The following PLCB1 variants were observed in gnomAD, a reference collection of about 807,000 sequenced individuals.
The protein encoded by PLCB1 is phospholipase C beta 1, also known as 1-phosphatidylinositol 4,5-bisphosphate phosphodiesterase beta-1.
Under a neutral mutation model 161.8 loss-of-function variants are expected in PLCB1, and 46 were observed. The observed-to-expected ratio is 0.28, with a 90% CI of 0.22 to 0.36. The LOEUF (loss-of-function observed/expected upper bound fraction) is 0.36. PLCB1 is among the 10% of genes least tolerant of loss of function. PLCB1 has a pLI of 1.00. For synonymous variants in PLCB1, 517 were observed against 503.7 expected (o/e 1.03, Z -0.35); for missense variants, 1,016 against 1,472.5 (o/e 0.69, Z 5.07).
chr20:8,373,378 T>C (rs1157423468), intron 3 of PLCB1, among the ~76,000 whole-genome samples: 1 of 152,122 alleles, frequency 6.6e-6, no homozygotes, highest in African/African-American at 2.4e-5. Context: ...GGCTAAATGG[T>C]GAAGATAATG....
chr20:8,199,628 T>A (rs1019438391), intron 2 of PLCB1, among the ~76,000 whole-genome samples: 1 of 152,280 alleles, frequency 6.6e-6, no homozygotes, highest in Admixed American at 6.5e-5. Flanking sequence ...GTGAGATTCT[T>A]AATGATTTTA....
chr20:8,723,100 T>C (rs1979737889), intron 15 of PLCB1, among the ~76,000 whole-genome samples: 1 of 152,216 alleles, frequency 6.6e-6, no homozygotes, highest in Non-Finnish European at 1.5e-5. Context: ...CGCTTGTAGC[T>C]CTACAATTTA....
intron 23 of PLCB1, among the ~76,000 whole-genome samples, chr20:8,747,978 C>A (rs2123538797): frequency 6.6e-6 from 1 of 152,246 alleles, no homozygotes; most frequent in Admixed American, 6.5e-5. Flanking sequence ...CTTGATATTT[C>A]ATTCACAATA....
At chr20:8,687,311 C>T (rs1475904330) in intron 10 of PLCB1, among the ~76,000 whole-genome samples, 1 of 152,166 alleles carries the variant, frequency 6.6e-6, no homozygotes, top group African/African-American at 2.4e-5. Flanking sequence ...CGACATGAGC[C>T]ACTGTGCCTG....
chr20:8,166,115 T>A (rs904954412), intron 2 of PLCB1, among the ~76,000 whole-genome samples: 1 of 152,176 alleles, frequency 6.6e-6, no homozygotes, highest in East Asian at 1.9e-4. Context: ...TATCCCCTCT[T>A]GACCCTCACT....
At chr20:8,465,300 A>C (rs1166835669) in intron 3 of PLCB1, among the ~76,000 whole-genome samples, 1 of 152,180 alleles carries the variant, frequency 6.6e-6, no homozygotes, top group Non-Finnish European at 1.5e-5. Context: ...CCAACTCCCT[A>C]CAAAAGTAGT....
chr20:8,209,840 T>G (rs1310489611), intron 2 of PLCB1, among the ~76,000 whole-genome samples: 2 of 152,142 alleles, frequency 1.3e-5, no homozygotes, highest in Non-Finnish European at 2.9e-5. Flanking sequence ...TAAGTGCTTT[T>G]ATACACTTTA....
At chr20:8,299,133 T>C (rs1983774774) in intron 2 of PLCB1, among the ~76,000 whole-genome samples, 1 of 152,160 alleles carries the variant, frequency 6.6e-6, no homozygotes, top group East Asian at 1.9e-4. Flanking sequence ...GCACCTGTAC[T>C]TCCCATGCTG....
At chr20:8,166,812 A>G (rs960249734) in intron 2 of PLCB1, among the ~76,000 whole-genome samples, 1 of 151,988 alleles carries the variant, frequency 6.6e-6, no homozygotes, top group Non-Finnish European at 1.5e-5. Flanking sequence ...TAGACACGGC[A>G]TATTTCTTTC....
chr20:8,271,724 T>C (rs983131215), intron 2 of PLCB1, among the ~76,000 whole-genome samples: 4 of 152,130 alleles, frequency 2.6e-5, no homozygotes, highest in African/African-American at 9.6e-5. Context: ...AAATTAAAGC[T>C]TGAATCTCTT....
At position 8,132,695 on chromosome 20, in the gene PLCB1, C is replaced by G; in HGVS notation, c.44C>G (p.Pro15Arg). The change falls in exon 1 of 32, where the codon CCC becomes CGC. Residue 15 changes from proline to arginine, a missense_variant. Pro to Arg is a moderately radical substitution (Grantham distance 103). This residue lies in a region of PLCB1 where 181 missense variants were observed against 236.7 expected (regional missense o/e 0.76). Transcript: ENST00000338037. The surrounding 1 kb of genome is among the most constrained non-coding windows in gnomAD (Gnocchi z 5.2). ...QPGVHALQLK[P>R]VCVSDSLKKG... ...GGAGTGCACGCCTTGCAACTCAAGC[C>G]CGTGTGCGTGTCCGACAGCCTCAAG... 3 of 1,613,020 alleles carry G rather than the reference C, an allele frequency of 1.9e-6. No individual in the cohort carries two copies. Among genetic ancestry groups the G allele is most frequent in the Middle Eastern group, 1.7e-4 (1 of 6,052 alleles).
chr20:8,735,397 C>T (rs1344172990), intron 19 of PLCB1, among the ~76,000 whole-genome samples: 8 of 152,200 alleles, frequency 5.3e-5, no homozygotes, highest in East Asian at 1.9e-4. Flanking sequence ...AGAATGGAGA[C>T]GCTGCTCCAG....
intron 2 of PLCB1, among the ~76,000 whole-genome samples, chr20:8,233,872 A>T (rs1007126583): frequency 3.3e-5 from 5 of 152,232 alleles, no homozygotes; most frequent in African/African-American, 1.2e-4. Context: ...TTTTCACTCA[A>T]CGTGGTGTTT....
intron 3 of PLCB1, among the ~76,000 whole-genome samples, chr20:8,373,038 G>C (rs1280245624): frequency 1.3e-5 from 2 of 152,098 alleles, no homozygotes; most frequent in Non-Finnish European, 1.5e-5. Flanking sequence ...GATGTGGTTT[G>C]ATAAATGTCT....
chr20:8,246,247 A>C (rs6039109), intron 2 of PLCB1, among the ~76,000 whole-genome samples: 113,431 of 151,844 alleles, frequency 0.75, 43,026 homozygotes, highest in African/African-American at 0.88. Context: ...ATCATCTGGT[A>C]AGGGCTTAGC....
chr20:8,659,837 C>T (rs577373215), intron 9 of PLCB1, among the ~76,000 whole-genome samples: 1 of 151,816 alleles, frequency 6.6e-6, no homozygotes, highest in Non-Finnish European at 1.5e-5. Context: ...ATTAAAAATA[C>T]AAAAATTAGT....
chr20:8,182,818 C>T lies in PLCB1; in HGVS notation c.177+32447C>T, dbSNP rs548737711. Among the ~76,000 whole-genome samples the T allele has an allele frequency of 1.4e-3, 206 of 151,964 alleles. 1 individual carries two copies. Among genetic ancestry groups the T allele is most frequent in the African/African-American group, 4.8e-3 (199 of 41,448 alleles). On this transcript the variant is annotated intron_variant, in intron 2 of 31. Transcript: ENST00000338037. ...CTGGTCTTGAACTCTTAACCTGAAG[C>T]AATCCGCCCACCTCAGCCTCCCAAA... is the stretch of plus-strand genomic sequence containing the variant.
chr20:8,735,839 G>C (rs765434145), intron 19 of PLCB1, among the ~76,000 whole-genome samples: 2 of 152,140 alleles, frequency 1.3e-5, no homozygotes, highest in African/African-American at 2.4e-5. Flanking sequence ...GAACATACAG[G>C]GGAAATGAGT....
At chr20:8,410,311 G>C (rs181331438) in intron 3 of PLCB1, among the ~76,000 whole-genome samples, 2 of 152,262 alleles carry the variant, frequency 1.3e-5, no homozygotes, top group Admixed American at 1.3e-4. Context: ...CTGAGTCCTA[G>C]AGTGTGCTTA....
Sources: gnomAD v4.1 joint callset for allele counts (sites outside exome capture counted in the v4.1 genomes callset) on GRCh38, gnomAD v4.1.1 for gene constraint, gnomAD v4.1.1 regional missense constraint, Gnocchi (gnomAD v3.1) non-coding constraint, MANE v1.5 for transcripts, NCBI Gene and HGNC (gene_info 2026-07-23, HGNC 2026-07-21) for gene names.